GNG4: variants seen among roughly 807,000 people sequenced by gnomAD.
The protein encoded by GNG4 is G protein subunit gamma 4.
In GNG4, 4 loss-of-function variants were observed where a neutral mutation model predicts 5.8. The ratio of observed to expected loss-of-function variants is 0.69; its 90% CI spans 0.34 to 1.57. GNG4 has a LOEUF of 1.57. Among genes scored for constraint, GNG4 ranks in the 40% most tolerant of loss-of-function variants. The pLI is 0.06. For missense variants in GNG4, 96 were observed against 95.1 expected (o/e 1.01, Z -0.04); for synonymous variants, 29 against 32.9 (o/e 0.88, Z 0.41).
rs1688231855 is a variant in GNG4, at chr1:235,600,348, CA to C, written c.-122-4838del. ...CAGGCTGGTCTTGAACCCCTGACCT[CA>C]AGTGATCTGCCCACCTTGGCCTCCC... On this transcript the variant is annotated intron_variant, in intron 1 of 3. Transcript: ENST00000391854. 4.6e-5 allele frequency among the ~76,000 whole-genome samples: 7 copies of C among 152,118 alleles called. No homozygotes were observed. In the South Asian group the frequency reaches 1.5e-3, roughly 32 times the overall value.
At chr1:235,631,860 G>A (rs571653812) in intron 1 of GNG4, among the ~76,000 whole-genome samples, 1 of 151,882 alleles carries the variant, frequency 6.6e-6, no homozygotes, top group African/African-American at 2.4e-5. Context: ...GAGCCACCGC[G>A]CCTGGCCAGT....
intron 3 of GNG4, among the ~76,000 whole-genome samples, chr1:235,558,405 C>G (rs1034714411): frequency 1.3e-5 from 2 of 152,134 alleles, no homozygotes; most frequent in South Asian, 4.1e-4. Flanking sequence ...CTTGGGTAAC[C>G]CCTGAAGTTT....
intron 1 of GNG4, among the ~76,000 whole-genome samples, chr1:235,603,025 T>C (rs1688287928): frequency 6.6e-6 from 1 of 152,046 alleles, no homozygotes; most frequent in Non-Finnish European, 1.5e-5. Context: ...GGCAAATCAG[T>C]TGAAGTCAGG....
chr1:235,587,578 TGGCG>T (rs1687829691), intron 2 of GNG4, among the ~76,000 whole-genome samples: 3 of 5,110 alleles, frequency 5.9e-4, no homozygotes, highest in Admixed American at 3.0e-3. Flanking sequence ...GGGTGTGGGG[TGGCG>T]GTGAGTGTGA....
At chr1:235,600,100 CTT>C (rs533853180) in intron 1 of GNG4, among the ~76,000 whole-genome samples, 528 of 43,026 alleles carry the variant, frequency 0.012, 3 homozygotes, top group African/African-American at 0.039. Flanking sequence ...CGGAAGAAAG[CTT>C]TTTTTTTTTT....
chr1:235,650,532 G>A (rs1657659397), upstream of GNG4: 2 of 152,444 alleles, frequency 1.3e-5, no homozygotes, highest in South Asian at 2.1e-4. Flanking sequence ...GGGGAACGGC[G>A]GAGAAACGCG....
At position 235,649,379 on chromosome 1, in the gene GNG4, C is replaced by A. The variant is rs894818080; in HGVS notation, c.-123+283G>T. Among the ~76,000 whole-genome samples the A allele has an allele frequency of 2.0e-5, 3 of 152,198 alleles. No individual in the cohort carries two copies. The highest frequency in any genetic ancestry group is 4.4e-5 in the Non-Finnish European group (3 of 68,020). ...CCTGCCTCATGCCGGAGGGACCGGG[C>A]GCCCCCAGCCCCGGAAGCCCCTGGA... On this transcript the variant is annotated intron_variant, in intron 1 of 3. Transcript: ENST00000391854. This position sits in a 1 kb window ranked among gnomAD's most constrained non-coding sequence, Gnocchi z 5.7.
intron 1 of GNG4, among the ~76,000 whole-genome samples, chr1:235,598,629 A>T (rs1485256284): frequency 6.6e-6 from 1 of 152,108 alleles, no homozygotes; most frequent in Non-Finnish European, 1.5e-5. Context: ...ATATAAAATT[A>T]AAAAAATAAA....
At chr1:235,565,334 C>G (rs2102921934) in intron 3 of GNG4, among the ~76,000 whole-genome samples, 1 of 152,180 alleles carries the variant, frequency 6.6e-6, no homozygotes, top group Non-Finnish European at 1.5e-5. Context: ...AACCCCATCT[C>G]TACTAAAAAT....
In GNG4 at chr1:235,648,345, G is replaced by T. The variant is rs1046643052; in HGVS notation, c.-123+1317C>A. Among the ~76,000 whole-genome samples the T allele has an allele frequency of 3.9e-5, 6 of 152,160 alleles. No individual in the cohort carries two copies. On this transcript the variant is annotated intron_variant, in intron 1 of 3. Transcript: ENST00000391854. The surrounding 1 kb of genome is among the most constrained non-coding windows in gnomAD (Gnocchi z 5.0). Reference sequence around the variant, plus strand: ...AAGTGCCACAGCCATCTCTTATCATGACCGGTCACTGAGCAAACCCTACAT... The same window carrying T: ...AAGTGCCACAGCCATCTCTTATCATTACCGGTCACTGAGCAAACCCTACAT...
intron 1 of GNG4, among the ~76,000 whole-genome samples, chr1:235,617,320 G>A (rs1688612863): frequency 6.6e-6 from 1 of 152,114 alleles, no homozygotes; most frequent in African/African-American, 2.4e-5. Context: ...AGGGTGAGAG[G>A]GGAGGCAGGG....
At chr1:235,646,268 G>A (rs914434890) in intron 1 of GNG4, among the ~76,000 whole-genome samples, 2 of 152,172 alleles carry the variant, frequency 1.3e-5, no homozygotes, top group African/African-American at 4.8e-5. Context: ...TCTCTCTACA[G>A]TTCTCCACTT....
rs1657459261 is a variant in GNG4, at chr1:235,644,778, G to T, written c.-123+4884C>A. On this transcript the variant is annotated intron_variant, in intron 1 of 3. Transcript: ENST00000391854. The surrounding 1 kb of genome is among the most constrained non-coding windows in gnomAD (Gnocchi z 5.9). ...GCCCTGCTGGAAATTTCCATCCAGG[G>T]TCTGTGCAGGGCGGGTACCCCAGAG... Among the ~76,000 whole-genome samples the T allele has an allele frequency of 6.6e-6, 1 of 152,214 alleles. No homozygotes were observed. Among genetic ancestry groups the T allele is most frequent in the Admixed American group, 6.5e-5 (1 of 15,284 alleles).
At chr1:235,601,418 C>T (rs920597960) in intron 1 of GNG4, among the ~76,000 whole-genome samples, 18 of 152,086 alleles carry the variant, frequency 1.2e-4, no homozygotes, top group Non-Finnish European at 7.4e-5. Context: ...GGGAGGCGCC[C>T]GGCTCTCAGT....
intron 1 of GNG4, among the ~76,000 whole-genome samples, chr1:235,626,960 A>G (rs1464778475): frequency 1.1e-4 from 3 of 27,630 alleles, no homozygotes; most frequent in Non-Finnish European, 2.1e-4. Flanking sequence ...CTCTATCTCA[A>G]AAAAAAAAAA....
At chr1:235,568,864 T>C (rs1813722) in intron 3 of GNG4, among the ~76,000 whole-genome samples, 77,168 of 150,226 alleles carry the variant, frequency 0.51, 20,569 homozygotes, top group East Asian at 0.87. Context: ...TCTTGCTCTG[T>C]TGTCCAGGCT....
intron 3 of GNG4, among the ~76,000 whole-genome samples, chr1:235,581,079 T>C (rs750086163): frequency 1.3e-5 from 2 of 152,126 alleles, no homozygotes; most frequent in Non-Finnish European, 2.9e-5. Flanking sequence ...GAATATCACC[T>C]GAGTAACTGA....
intron 3 of GNG4, among the ~76,000 whole-genome samples, chr1:235,559,748 C>A (rs868700036): frequency 3.9e-5 from 6 of 152,354 alleles, no homozygotes; most frequent in South Asian, 4.1e-4. Flanking sequence ...TCTCTGAACC[C>A]TTAAGTCAAA....
At chr1:235,634,565 A>G (rs7554548) in intron 1 of GNG4, among the ~76,000 whole-genome samples, 45,040 of 152,172 alleles carry the variant, frequency 0.3, 7,785 homozygotes, top group East Asian at 0.8. Flanking sequence ...GCAGATTTAT[A>G]GCTTATCTGT....
Sources: allele counts gnomAD v4.1 joint callset (sites outside exome capture counted in the v4.1 genomes callset), GRCh38; gene constraint gnomAD v4.1.1; non-coding constraint Gnocchi (gnomAD v3.1); transcripts MANE v1.5; gene names NCBI Gene and HGNC (gene_info 2026-07-23, HGNC 2026-07-21).